Variants in LRRIQ3 observed in about 807,000 individuals in gnomAD.
The protein encoded by LRRIQ3 is leucine rich repeats and IQ motif containing 3.
In LRRIQ3, 75 loss-of-function variants were observed where a neutral mutation model predicts 59.3. The ratio of observed to expected loss-of-function variants is 1.26; its 90% confidence interval spans 1.05 to 1.53. The LOEUF is 1.53. LRRIQ3 is among the 40% of genes most tolerant of loss of function. LRRIQ3 has a pLI of 0.00. For missense variants in LRRIQ3, 831 were observed against 710.0 expected (o/e 1.17, Z -1.94); for synonymous variants, 250 against 231.3 (o/e 1.08, Z -0.73).
chr1:74,117,697 C>T (rs1030925213), intron 4 of LRRIQ3, among the ~76,000 whole-genome samples: 1 of 151,990 alleles, frequency 6.6e-6, no homozygotes, highest in Non-Finnish European at 1.5e-5. Flanking sequence ...ACTCAGGAGG[C>T]AGAAGTTGCA....
intron 6 of LRRIQ3, among the ~76,000 whole-genome samples, chr1:74,056,189 A>G (rs1298326315): frequency 6.6e-6 from 1 of 151,536 alleles, no homozygotes; most frequent in African/African-American, 2.4e-5. Context: ...AAATAAATAA[A>G]CTCAACAAAT....
chr1:74,085,072 T>A (rs1322874481), intron 5 of LRRIQ3, among the ~76,000 whole-genome samples: 1 of 151,752 alleles, frequency 6.6e-6, no homozygotes, highest in East Asian at 1.9e-4. Flanking sequence ...ATGATTCCCT[T>A]CAATCTTCCC....
chr1:74,045,959 G>A (rs1654190394), intron 6 of LRRIQ3, among the ~76,000 whole-genome samples: 1 of 152,034 alleles, frequency 6.6e-6, no homozygotes, highest in African/African-American at 2.4e-5. Context: ...AATAAGAGAG[G>A]ACACAAACAA....
At chr1:74,155,676 A>G in intron 4 of LRRIQ3, 57 bp downstream of exon 4, 3 of 1,458,434 alleles carry the variant, frequency 2.1e-6, no homozygotes, top group Non-Finnish European at 2.8e-6. Context: ...ACTTCTTATC[A>G]TTTATTTCTT....
chr1:74,183,517 G>C lies in LRRIQ3; in HGVS notation c.168C>G (p.Ile56Met). 1 of 1,611,004 alleles carries C rather than the reference G, an allele frequency of 6.2e-7. No homozygotes were observed. The highest frequency in any genetic ancestry group is 8.5e-7 in the Non-Finnish European group (1 of 1,178,222). The change falls in exon 2 of 8, where the codon ATC becomes ATG. Residue 56 changes from isoleucine (I) to methionine (M), a missense_variant. Ile to Met is a conservative substitution (Grantham distance 10, BLOSUM62 1). Transcript: ENST00000354431. ...LQSCISLRVCIFSNNFITDIH... is the reference protein window; with the variant it reads ...LQSCISLRVCMFSNNFITDIH... The stretch of plus-strand genomic sequence containing the variant: ...TATCTGTAATAAAATTGTTTGAGAA[G>C]ATGCATACTCTAAGAGAGATGCAAG...
At chr1:74,085,323 C>CAAAAAAAAAAAAAAAA (rs61216155) in intron 5 of LRRIQ3, among the ~76,000 whole-genome samples, 1 of 121,614 alleles carries the variant, frequency 8.2e-6, no homozygotes, top group Non-Finnish European at 1.8e-5. Flanking sequence ...TACATGGTGG[C>CAAAAAAAAAAAAAAAA]AAAAAAAAAA....
At chr1:74,079,369 G>A (rs1377042873) in intron 5 of LRRIQ3, among the ~76,000 whole-genome samples, 2 of 151,462 alleles carry the variant, frequency 1.3e-5, no homozygotes, top group Non-Finnish European at 3.0e-5. Context: ...TCAGGTCCTT[G>A]TGTAAGATCT....
At chr1:74,184,801 G>T (rs1650249794) in intron 1 of LRRIQ3, among the ~76,000 whole-genome samples, 1 of 152,102 alleles carries the variant, frequency 6.6e-6, no homozygotes, top group African/African-American at 2.4e-5. Context: ...AAAATATAGA[G>T]TCAGATATGG....
At chr1:74,052,914 G>A (rs1654410434) in intron 6 of LRRIQ3, among the ~76,000 whole-genome samples, 1 of 151,634 alleles carries the variant, frequency 6.6e-6, no homozygotes, top group East Asian at 1.9e-4. Context: ...ATTCTTTCTG[G>A]TTTTTAAAAA....
At chr1:74,045,441 G>A (rs113550982) in intron 6 of LRRIQ3, among the ~76,000 whole-genome samples, 28 of 152,192 alleles carry the variant, frequency 1.8e-4, no homozygotes, top group African/African-American at 6.5e-4. Flanking sequence ...CAATATACTA[G>A]GCATTGATGG....
At chr1:74,146,660 T>A (rs2100648549) in intron 4 of LRRIQ3, among the ~76,000 whole-genome samples, 1 of 152,362 alleles carries the variant, frequency 6.6e-6, no homozygotes, top group Non-Finnish European at 1.5e-5. Flanking sequence ...TATTTGGTTA[T>A]GATCCATGAA....
chr1:74,075,757 T>C (rs1646199546), intron 5 of LRRIQ3, among the ~76,000 whole-genome samples: 1 of 152,126 alleles, frequency 6.6e-6, no homozygotes, highest in Admixed American at 6.6e-5. Context: ...GTTACGGAGC[T>C]TTCATCAGGT....
At chr1:74,038,977 G>A (rs1046060452) in intron 7 of LRRIQ3, among the ~76,000 whole-genome samples, 1 of 152,172 alleles carries the variant, frequency 6.6e-6, no homozygotes, top group East Asian at 1.9e-4. Flanking sequence ...AGGATGAGAT[G>A]GGTGGATTGA....
At chr1:74,110,434 A>G (rs1337253329) in intron 4 of LRRIQ3, among the ~76,000 whole-genome samples, 1 of 152,042 alleles carries the variant, frequency 6.6e-6, no homozygotes, top group Non-Finnish European at 1.5e-5. Flanking sequence ...GGAGGAAAAA[A>G]GTGTGATTAT....
intron 4 of LRRIQ3, among the ~76,000 whole-genome samples, chr1:74,136,839 A>G (rs1647132652): frequency 6.6e-6 from 1 of 151,940 alleles, no homozygotes; most frequent in Non-Finnish European, 1.5e-5. Context: ...AACCACTTTG[A>G]TTCATTTTAT....
At chr1:74,085,839 A>C (rs1557608207) in intron 5 of LRRIQ3, among the ~76,000 whole-genome samples, 1 of 152,040 alleles carries the variant, frequency 6.6e-6, no homozygotes, top group Non-Finnish European at 1.5e-5. Context: ...CTTTGCTCTC[A>C]ATAATTGACT....
chr1:74,068,185 A>G (rs1367395292), intron 6 of LRRIQ3, among the ~76,000 whole-genome samples: 5 of 152,056 alleles, frequency 3.3e-5, no homozygotes, highest in African/African-American at 1.2e-4. Flanking sequence ...TTTAGGTTTT[A>G]TGTTATGATA....
chr1:74,161,204 G>A (rs146924076), intron 3 of LRRIQ3, among the ~76,000 whole-genome samples: 13 of 151,942 alleles, frequency 8.6e-5, no homozygotes, highest in East Asian at 1.9e-4. Flanking sequence ...CAAAGAACAC[G>A]AATCCTATTT....
rs751700744 is a variant in LRRIQ3, at chr1:74,114,734, T to TA, written c.708-5182dup. ...TGGGCAACAGAGCGAGACTCCGTCT[T>TA]AAAAAAAAAAAAAAAATGCACCAAG... On this transcript the variant is annotated intron_variant, in intron 4 of 7. Coordinates refer to ENST00000354431, the MANE Select transcript of LRRIQ3 (RefSeq NM_001105659.2). Among the ~76,000 whole-genome samples the TA allele has an allele frequency of 4.7e-3, 635 of 135,572 alleles. 1 individual carries two copies. Among genetic ancestry groups the TA allele is most frequent in the African/African-American group, 0.012 (440 of 36,760 alleles). The allele number at this position is 135,572 out of a possible 152,430, so 88.9% of individuals were successfully genotyped here.
Sources: allele counts gnomAD v4.1 joint callset (sites outside exome capture counted in the v4.1 genomes callset), GRCh38; gene constraint gnomAD v4.1.1; transcripts MANE v1.5; gene names NCBI Gene and HGNC (gene_info 2026-07-23, HGNC 2026-07-21).